The following ACSM4 variants were observed in gnomAD, a reference collection of about 807,000 sequenced individuals.
ACSM4 encodes the protein acyl-coenzyme A synthetase ACSM4, mitochondrial.
Under a neutral mutation model 73.0 loss-of-function variants are expected in ACSM4, and 66 were observed. The observed-to-expected ratio is 0.90, with a 90% confidence interval of 0.74 to 1.11. The LOEUF (loss-of-function observed/expected upper bound fraction) is 1.11, where lower values mean the gene tolerates loss of function less well. Among genes scored for constraint, ACSM4 ranks in the 50% least tolerant of loss-of-function variants. The pLI, the probability that ACSM4 is intolerant of heterozygous loss-of-function variation, is 0.00. For missense variants in ACSM4, 645 were observed against 714.4 expected (o/e 0.90, Z 1.11); for synonymous variants, 222 against 254.0 (o/e 0.87, Z 1.20).
Position 7,328,423 on chromosome 12 carries a change from A to C in ACSM4, c.*50A>C. 7.3e-7 allele frequency: 1 copy of C among 1,377,816 alleles called. No individual in the cohort carries two copies. Among genetic ancestry groups the C allele is most frequent in the South Asian group, 1.4e-5 (1 of 73,490 alleles). 85.3% of individuals were successfully genotyped at this position (1,377,816 alleles called of 1,614,324 possible). On this transcript the variant is annotated 3_prime_UTR_variant, in exon 13 of 13. Transcript: ENST00000399422. ...AGCAGTAATATGGTTGCTTTCTTTT[A>C]GTATTTGTTCCGATAATTCAGCGAC...
intron 5 of ACSM4, among the ~76,000 whole-genome samples, chr12:7,319,589 CAAAAA>C (rs757305753): frequency 1.9e-5 from 1 of 53,678 alleles, no homozygotes; most frequent in Non-Finnish European, 3.8e-5. Flanking sequence ...GACTCCGTCT[CAAAAA>C]AAAAAAAAAA....
Position 7,310,483 on chromosome 12 carries a change from A to G in ACSM4, c.413-56A>G, listed in dbSNP as rs1946384040. ...TCTCCTCACCGAGGCACAAAGCCCA[A>G]GTCTTCCACAATGGACAGCAGTTCT... On this transcript the variant is annotated intron_variant, in intron 2 of 12. Coordinates refer to ENST00000399422, the MANE Select transcript of ACSM4 (RefSeq NM_001080454.2). 30 of 1,517,110 alleles carry G rather than the reference A, an allele frequency of 2.0e-5. No homozygotes were observed. In the South Asian group the frequency reaches 3.4e-4, roughly 17 times the overall value. 94.0% of individuals were successfully genotyped at this position (1,517,110 alleles called of 1,614,324 possible).
intron 1 of ACSM4, among the ~76,000 whole-genome samples, chr12:7,305,161 G>A (rs1946355169): frequency 6.6e-6 from 1 of 152,178 alleles, no homozygotes; most frequent in Non-Finnish European, 1.5e-5. Flanking sequence ...AGCCTTCCTT[G>A]AAAGCCATTG....
chr12:7,322,629 C>G (rs1946472809), intron 7 of ACSM4, 88 bp downstream of exon 7: 1 of 1,474,410 alleles, frequency 6.8e-7, no homozygotes, highest in South Asian at 1.4e-5. Flanking sequence ...GCCCCCATCC[C>G]ACTGTAAATT....
intron 4 of ACSM4, 151 bp from the exon 5 acceptor site, chr12:7,317,875 G>A: frequency 1.2e-6 from 1 of 808,726 alleles, no homozygotes; most frequent in Non-Finnish European, 1.9e-6. Context: ...AAGAAGAGTA[G>A]AAGTTGAATC....
rs1946437020 is a variant in ACSM4, at chr12:7,318,444, T to C, written c.921+262T>C. On this transcript the variant is annotated intron_variant, in intron 5 of 12. Coordinates refer to ENST00000399422, the MANE Select transcript of ACSM4 (RefSeq NM_001080454.2). ...TTGCTAGTGTTGCTAAATCTGTAGCTACTTAAGAAACTGGTTCTAAATAAC... is the reference window on the plus strand; with the variant it reads ...TTGCTAGTGTTGCTAAATCTGTAGCCACTTAAGAAACTGGTTCTAAATAAC... 7.8e-6 allele frequency: 3 copies of C among 386,388 alleles called. No individual in the cohort carries two copies. In the South Asian group the frequency reaches 1.8e-4, roughly 24 times the overall value. 23.9% of individuals were successfully genotyped at this position (386,388 alleles called of 1,614,324 possible).
At chr12:7,322,108 G>C (rs749579641) in intron 6 of ACSM4, among the ~76,000 whole-genome samples, 1 of 152,108 alleles carries the variant, frequency 6.6e-6, no homozygotes, top group African/African-American at 2.4e-5. Flanking sequence ...TATATCATGT[G>C]GCTCATCAAA....
At chr12:7,323,746 A>T (rs1248579020) in intron 9 of ACSM4, among the ~76,000 whole-genome samples, 186 bp downstream of exon 9, 1 of 152,240 alleles carries the variant, frequency 6.6e-6, no homozygotes, top group Non-Finnish European at 1.5e-5. Context: ...AACCAGTTGC[A>T]GTGGTTATCC....
In ACSM4 at chr12:7,306,575, G is replaced by A; in HGVS notation, c.244G>A (p.Gly82Ser). Reference protein sequence around the residue: ...PANPALWWVNGKGDEVKWSFR... With the variant: ...PANPALWWVNSKGDEVKWSFR... ...TAACCCAGCCCTGTGGTGGGTGAAT[G>A]GCAAAGGGGATGAGGTAAAATGGAG... The change falls in exon 2 of 13, where the codon GGC becomes AGC. Residue 82 changes from glycine (G) to serine (S), a missense_variant. Physicochemically the swap from Gly to Ser is moderately conservative, Grantham distance 56 (BLOSUM62 0). Coordinates refer to ENST00000399422, the MANE Select transcript of ACSM4 (RefSeq NM_001080454.2). The A allele has an allele frequency of 6.2e-7, 1 of 1,601,832 alleles. No individual in the cohort carries two copies.
chr12:7,328,296 G>A lies in ACSM4; in HGVS notation c.1666G>A (p.Val556Ile). 6.3e-7 allele frequency: 1 copy of A among 1,585,048 alleles called. No individual in the cohort carries two copies. Among genetic ancestry groups the A allele is most frequent in the Non-Finnish European group, 8.6e-7 (1 of 1,164,754 alleles). ...PYKYPRKVEF[V>I]QELPKTITGK... ...TTTTTCTGTCAATTAGGTGGAATTTGTTCAAGAACTCCCAAAGACAATCAC... is the reference window on the plus strand; with the variant it reads ...TTTTTCTGTCAATTAGGTGGAATTTATTCAAGAACTCCCAAAGACAATCAC... Residue 556 changes from valine (V) to isoleucine (I), a missense_variant, in exon 13 of 13, where the codon GTT (valine) becomes ATT (isoleucine). Coordinates refer to ENST00000399422, the MANE Select transcript of ACSM4 (RefSeq NM_001080454.2).
chr12:7,304,209 A>G lies in ACSM4; in HGVS notation c.-123A>G. The G allele has an allele frequency of 2.9e-6, 3 of 1,039,200 alleles. No individual in the cohort carries two copies. The highest frequency in any genetic ancestry group is 4.3e-6 in the Non-Finnish European group (3 of 699,274). The allele number at this position is 1,039,200 out of a possible 1,614,324, so 64.4% of individuals were successfully genotyped here. A position where few individuals can be genotyped will look rare whatever the true frequency, so the allele number is the denominator to read the frequency against. ...GTTCCCCAACTTGCCAGGGACACAC[A>G]GCCACAAATCCACCTCCCAGTCTCA... On this transcript the variant is annotated 5_prime_UTR_variant, in exon 1 of 13. Transcript: ENST00000399422.
chr12:7,320,996 A>G (rs903190188), intron 6 of ACSM4, among the ~76,000 whole-genome samples, 192 bp downstream of exon 6: 3 of 152,208 alleles, frequency 2.0e-5, no homozygotes, highest in Non-Finnish European at 4.4e-5. Flanking sequence ...TCAAGACTCT[A>G]TTAGACGCCA....
At chr12:7,327,986 C>T (rs951712577) in intron 12 of ACSM4, among the ~76,000 whole-genome samples, 5 of 152,042 alleles carry the variant, frequency 3.3e-5, no homozygotes, top group African/African-American at 9.7e-5. Context: ...CTCCATTTCT[C>T]GGGAACAGTA....
intron 12 of ACSM4, among the ~76,000 whole-genome samples, chr12:7,327,415 T>G (rs1253085280): frequency 6.6e-6 from 1 of 152,136 alleles, no homozygotes; most frequent in Non-Finnish European, 1.5e-5. Flanking sequence ...GGACAGTGCT[T>G]GATTCACCTA....
chr12:7,322,796 G>A (rs1426796280), intron 7 of ACSM4, among the ~76,000 whole-genome samples: 1 of 152,152 alleles, frequency 6.6e-6, no homozygotes, highest in East Asian at 1.9e-4. Context: ...GGTGGGTGAG[G>A]TTCAGAACTG....
chr12:7,322,570 A>G, intron 7 of ACSM4, 29 bp downstream of exon 7: 3 of 1,592,702 alleles, frequency 1.9e-6, no homozygotes, highest in Non-Finnish European at 2.6e-6. Flanking sequence ...TATGTTTAGT[A>G]TATGTGGGGG....
chr12:7,306,866 A>G (rs1235729619), intron 2 of ACSM4, 123 bp downstream of exon 2: 8 of 913,336 alleles, frequency 8.8e-6, no homozygotes, highest in Non-Finnish European at 1.3e-5. Context: ...AAAAAAAAAG[A>G]AGAGTTAAGG....
At chr12:7,318,890 G>A (rs1946440179) in intron 5 of ACSM4, among the ~76,000 whole-genome samples, 1 of 152,166 alleles carries the variant, frequency 6.6e-6, no homozygotes, top group Admixed American at 6.5e-5. Context: ...TGACAAGATG[G>A]TTTAAGGCAG....
chr12:7,317,209 G>A lies in ACSM4; in HGVS notation c.693G>A (p.Gly231=), dbSNP rs757838581. Reference sequence around the variant, plus strand: ...CAATGACCATTTATTTCACCAGTGGGACCACAGGCTTTCCTAAAATGGCCC... The same window carrying A: ...CAATGACCATTTATTTCACCAGTGGAACCACAGGCTTTCCTAAAATGGCCC... ...QEPMTIYFTS[G]TTGFPKMAQH... Residue 231 remains glycine, a synonymous_variant, in exon 4 of 13, where the codon GGG becomes GGA. Transcript: ENST00000399422. The A allele has an allele frequency of 6.2e-7, 1 of 1,610,844 alleles. No individual in the cohort carries two copies.
Sources: allele counts gnomAD v4.1 joint callset (sites outside exome capture counted in the v4.1 genomes callset), GRCh38; gene constraint gnomAD v4.1.1; transcripts MANE v1.5; gene names NCBI Gene and HGNC (gene_info 2026-07-23, HGNC 2026-07-21).